Variants in HNRNPF observed in about 807,000 individuals in gnomAD.
HNRNPF encodes the protein heterogeneous nuclear ribonucleoprotein F.
In HNRNPF, 2 loss-of-function variants were observed where a neutral mutation model predicts 26.0. The observed-to-expected ratio is 0.08, with a 90% CI of 0.03 to 0.24. The LOEUF (loss-of-function observed/expected upper bound fraction) is 0.24, where lower values mean the gene tolerates loss of function less well. Among genes scored for constraint, HNRNPF ranks in the 10% least tolerant of loss-of-function variants. The pLI, the probability that HNRNPF is intolerant of heterozygous loss-of-function variation, is 1.00. For missense variants in HNRNPF, 299 were observed against 539.2 expected, an observed-to-expected ratio of 0.55 and a Z score of 4.41; for synonymous variants, 234 against 211.5, an observed-to-expected ratio of 1.11 and a Z score of -0.92.
chr10:43,407,130 G>T (rs1838945834), intron 1 of HNRNPF, among the ~76,000 whole-genome samples: 1 of 151,896 alleles, frequency 6.6e-6, no homozygotes, highest in African/African-American at 2.4e-5. Flanking sequence ...ATGACTTTTG[G>T]GACGGAACGA....
chr10:43,388,283 A>G (rs577799733), intron 3 of HNRNPF, among the ~76,000 whole-genome samples: 1 of 152,352 alleles, frequency 6.6e-6, no homozygotes, highest in African/African-American at 2.4e-5. Context: ...TGTTCCTCCT[A>G]AACTATACGC....
At chr10:43,401,054 C>T (rs1838739737) in intron 1 of HNRNPF, among the ~76,000 whole-genome samples, 1 of 151,356 alleles carries the variant, frequency 6.6e-6, no homozygotes, top group Non-Finnish European at 1.5e-5. Context: ...TGCACTCCAG[C>T]CTGGGCGATA....
intron 1 of HNRNPF, among the ~76,000 whole-genome samples, chr10:43,402,687 A>G (rs1194421081): frequency 3.3e-5 from 5 of 152,242 alleles, no homozygotes; most frequent in African/African-American, 1.2e-4. Context: ...TTAAATTAGA[A>G]AAGATATGTA....
At chr10:43,396,022 G>T (rs1056893587) in intron 2 of HNRNPF, among the ~76,000 whole-genome samples, 2 of 151,614 alleles carry the variant, frequency 1.3e-5, no homozygotes, top group African/African-American at 2.4e-5. Flanking sequence ...GAGCTTGCAC[G>T]GGGGCCACCT....
intron 3 of HNRNPF, among the ~76,000 whole-genome samples, chr10:43,391,107 T>C (rs1043484600): frequency 3.9e-5 from 6 of 151,948 alleles, no homozygotes; most frequent in African/African-American, 1.2e-4. Flanking sequence ...TGAGTTCCAA[T>C]AGACAAAACC....
Position 43,386,372 on chromosome 10 carries a change from TACTTAA to T in HNRNPF, c.*259_*264del, listed in dbSNP as rs372890561. On this transcript the variant is annotated 3_prime_UTR_variant, in exon 4 of 4. Transcript: ENST00000682386. Reference sequence around the variant, plus strand: ...AGATCCACATTTAACATACTTAAACTACTTAAACTTAGATAACATCACTCTGAAGTA... The same window carrying T: ...AGATCCACATTTAACATACTTAAACTACTTAGATAACATCACTCTGAAGTA... The T allele has an allele frequency of 2.2e-5, 8 of 367,714 alleles. No individual in the cohort carries two copies. The highest frequency in any genetic ancestry group is 6.3e-5 in the African/African-American group (3 of 47,590). The allele number at this position is 367,714 out of a possible 1,614,324, so 22.8% of individuals were successfully genotyped here. A position where few individuals can be genotyped will look rare whatever the true frequency, so the allele number is the denominator to read the frequency against.
Position 43,387,492 on chromosome 10 carries a change from G to A in HNRNPF, c.393C>T (p.Phe131=). The change falls in exon 4 of 4, where the codon TTC becomes TTT. Residue 131 remains phenylalanine (F), a synonymous_variant. Coordinates refer to ENST00000682386, the MANE Select transcript of HNRNPF (RefSeq NM_001098204.2). This position sits in a 1 kb window ranked among gnomAD's most constrained non-coding sequence, Gnocchi z 6.0. The part of the protein sequence containing the change: ...GCTKEEIVQF[F]SGLEIVPNGI... ...CGTTTGGCACAATTTCCAACCCTGA[G>A]AAGAACTGAACAATTTCTTCCTTTG... 1 of 1,614,202 alleles carries A rather than the reference G, an allele frequency of 6.2e-7. No individual in the cohort carries two copies.
Position 43,387,964 on chromosome 10 carries a change from T to A in HNRNPF, c.-52-28A>T. On this transcript the variant is annotated intron_variant, in intron 3 of 3. Coordinates refer to ENST00000682386, the MANE Select transcript of HNRNPF (RefSeq NM_001098204.2). This position sits in a 1 kb window ranked among gnomAD's most constrained non-coding sequence, Gnocchi z 6.0. The stretch of plus-strand genomic sequence containing the variant: ...GGAAAAAAAAAAAAGAAAAATTTAT[T>A]TAGTATGCAACAGAAATTTTCCCCA... 5 of 1,234,430 alleles carry A rather than the reference T, an allele frequency of 4.1e-6. 1 individual carries two copies. In the South Asian group the frequency reaches 7.6e-5, roughly 19 times the overall value. 76.5% of individuals were successfully genotyped at this position (1,234,430 alleles called of 1,614,324 possible).
Position 43,387,960 on chromosome 10 carries a change from T to G in HNRNPF, c.-52-24A>C. 1 of 1,244,178 alleles carries G rather than the reference T, an allele frequency of 8.0e-7. No homozygotes were observed. Among genetic ancestry groups the G allele is most frequent in the South Asian group, 1.5e-5 (1 of 66,928 alleles). 77.1% of individuals were successfully genotyped at this position (1,244,178 alleles called of 1,614,324 possible). On this transcript the variant is annotated intron_variant, in intron 3 of 3. Coordinates refer to ENST00000682386, the MANE Select transcript of HNRNPF (RefSeq NM_001098204.2). This position sits in a 1 kb window ranked among gnomAD's most constrained non-coding sequence, Gnocchi z 6.0. ...GGCTGGAAAAAAAAAAAAGAAAAAT[T>G]TATTTAGTATGCAACAGAAATTTTC...
At chr10:43,396,868 C>T (rs1464584264) in intron 1 of HNRNPF, 12 of 93,736 alleles carry the variant, frequency 1.3e-4, no homozygotes, top group African/African-American at 4.8e-4. Flanking sequence ...GGAGGGTTCC[C>T]GGAGGGAAGG....
intron 1 of HNRNPF, among the ~76,000 whole-genome samples, chr10:43,404,124 C>T (rs1258851009): frequency 1.3e-5 from 2 of 151,466 alleles, no homozygotes; most frequent in Non-Finnish European, 2.9e-5. Flanking sequence ...TGGTGAAACC[C>T]CCCACCCCCT....
Position 43,387,875 on chromosome 10 carries a change from C to G in HNRNPF, c.10G>C (p.Gly4Arg). The stretch of plus-strand genomic sequence containing the variant: ...ACAAAGCCTTCACCTCCCTCAGGGC[C>G]CAGCATCATGGACACTTGTCAGGGT... MML[G>R]PEGGEGFVVK... The change falls in exon 4 of 4, where the codon GGC (glycine) becomes CGC (arginine). Residue 4 changes from glycine to arginine, a missense_variant. Physicochemically the swap from Gly to Arg is moderately radical, Grantham distance 125. Coordinates refer to ENST00000682386, the MANE Select transcript of HNRNPF (RefSeq NM_001098204.2). This position sits in a 1 kb window ranked among gnomAD's most constrained non-coding sequence, Gnocchi z 6.0. 1 of 1,606,692 alleles carries G rather than the reference C, an allele frequency of 6.2e-7. No individual in the cohort carries two copies. Among genetic ancestry groups the G allele is most frequent in the Non-Finnish European group, 8.5e-7 (1 of 1,173,778 alleles).
At chr10:43,407,727 A>G (rs1838974204) in intron 1 of HNRNPF, 1 of 152,240 alleles carries the variant, frequency 6.6e-6, no homozygotes, top group African/African-American at 2.4e-5. Flanking sequence ...CTCTAGGAGC[A>G]GGAGACCAAT....
chr10:43,395,982 C>G (rs988836533), intron 2 of HNRNPF, among the ~76,000 whole-genome samples: 1 of 152,222 alleles, frequency 6.6e-6, no homozygotes, highest in Non-Finnish European at 1.5e-5. Context: ...TCAGCTCCCC[C>G]AGGTGACTGG....
intron 3 of HNRNPF, 74 bp downstream of exon 3, chr10:43,394,556 G>A (rs1838385378): frequency 6.6e-6 from 1 of 152,126 alleles, no homozygotes; most frequent in South Asian, 2.1e-4. Context: ...TTTCACTCCA[G>A]GCTGCTAAAC....
chr10:43,397,647 C>A (rs1011954317), intron 1 of HNRNPF, among the ~76,000 whole-genome samples: 2 of 152,142 alleles, frequency 1.3e-5, no homozygotes, highest in Non-Finnish European at 2.9e-5. Context: ...GAAAAAAAAT[C>A]TTTGAAAAAA....
chr10:43,389,036 T>A (rs1809014150), intron 3 of HNRNPF, among the ~76,000 whole-genome samples: 1 of 150,850 alleles, frequency 6.6e-6, no homozygotes, highest in African/African-American at 2.5e-5. Context: ...AGTGGTGCTG[T>A]CTCGGCTCAC....
At chr10:43,405,757 AAAAGTTCTTAGAAAT>A (rs139497350) in intron 1 of HNRNPF, among the ~76,000 whole-genome samples, 4,937 of 152,288 alleles carry the variant, frequency 0.032, 264 homozygotes, top group African/African-American at 0.11. Flanking sequence ...GTTAGGTTTT[AAAAGTTCTTAGAAAT>A]ACTGCGGATT....
chr10:43,394,044 G>A (rs951614826), intron 3 of HNRNPF, among the ~76,000 whole-genome samples: 3 of 152,100 alleles, frequency 2.0e-5, no homozygotes, highest in Admixed American at 6.5e-5. Context: ...GTTGTTAAAG[G>A]GGTCTTAAAC....
Sources: allele counts gnomAD v4.1 joint callset (sites outside exome capture counted in the v4.1 genomes callset), GRCh38; gene constraint gnomAD v4.1.1; non-coding constraint Gnocchi (gnomAD v3.1); transcripts MANE v1.5; gene names NCBI Gene and HGNC (gene_info 2026-07-23, HGNC 2026-07-21).